The following LAMC3 variants were observed in gnomAD, a reference collection of about 807,000 sequenced individuals.
LAMC3 encodes the protein laminin subunit gamma-3.
A neutral mutation model predicts 173.8 loss-of-function variants in LAMC3; 128 were observed. That is an observed-to-expected ratio of 0.74 (90% confidence interval 0.64 to 0.85). The LOEUF is 0.85. LAMC3 is among the 40% of genes least tolerant of loss of function. The pLI is 0.00. For missense variants in LAMC3, 2,022 were observed against 2,156.0 expected (o/e 0.94, Z 1.23); for synonymous variants, 897 against 909.1 (o/e 0.99, Z 0.24).
intron 7 of LAMC3, 105 bp downstream of exon 7, chr9:131,041,840 C>G (rs1441594227): frequency 3.1e-6 from 3 of 963,026 alleles, no homozygotes; most frequent in Non-Finnish European, 4.8e-6. Context: ...GCACGGTCTT[C>G]ATGGACTTGG....
intron 1 of LAMC3, among the ~76,000 whole-genome samples, chr9:131,025,756 C>T (rs1449133823): frequency 6.6e-6 from 1 of 151,962 alleles, no homozygotes; most frequent in East Asian, 1.9e-4. Flanking sequence ...GGAGATGAGG[C>T]TGTGGGGCAG....
At chr9:131,088,304 C>A (rs1006482666) in intron 27 of LAMC3, among the ~76,000 whole-genome samples, 5 of 152,216 alleles carry the variant, frequency 3.3e-5, no homozygotes, top group African/African-American at 9.6e-5. Flanking sequence ...CTCTCTGAGC[C>A]TCAGATCCCC....
Position 131,071,612 on chromosome 9 carries a change from T to C in LAMC3, c.3198T>C (p.His1066=), listed in dbSNP as rs754552747. The change falls in exon 18 of 28, where the codon CAT becomes CAC. Residue 1066 remains histidine (H), a synonymous_variant. Transcript: ENST00000361069. ...CAAGGGGGGACGTCTACCAGGGCCA[T>C]CACCTGCTTCCAGGTACAGCAGGAG... ...EAPRGDVYQG[H]HLLPGAREAF... is the part of the protein sequence containing the mutation. 6.3e-7 allele frequency: 1 copy of C among 1,589,938 alleles called. No individual in the cohort carries two copies. The highest frequency in any genetic ancestry group is 8.6e-7 in the Non-Finnish European group (1 of 1,165,040).
At chr9:131,036,819 C>G (rs1833954013) in intron 4 of LAMC3, among the ~76,000 whole-genome samples, 1 of 152,214 alleles carries the variant, frequency 6.6e-6, no homozygotes, top group Non-Finnish European at 1.5e-5. Context: ...TCCAGGGACA[C>G]AGGCCAAGAG....
chr9:131,091,629 T>C lies in LAMC3; in HGVS notation c.4570T>C (p.Ser1524Pro). The change falls in exon 28 of 28, where the codon TCC (serine) becomes CCC (proline). Residue 1524 changes from serine (S) to proline (P), a missense_variant. Ser to Pro is a moderately conservative substitution (Grantham distance 74). Coordinates refer to ENST00000361069, the MANE Select transcript of LAMC3 (RefSeq NM_006059.4). Reference sequence around the variant, plus strand: ...GAGGCTGCAGCTGGGCTCCCCGGGGTCCTTGCAGAGGAAACTCAGTCTGCT... The same window carrying C: ...GAGGCTGCAGCTGGGCTCCCCGGGGCCCTTGCAGAGGAAACTCAGTCTGCT... ...RLRLQLGSPG[S>P]LQRKLSLLEQ... 6.3e-7 allele frequency: 1 copy of C among 1,599,470 alleles called. No homozygotes were observed. The highest frequency in any genetic ancestry group is 2.2e-5 in the East Asian group (1 of 44,462).
chr9:131,074,585 A>AT (rs34377041), intron 20 of LAMC3, among the ~76,000 whole-genome samples: 46,653 of 150,722 alleles, frequency 0.31, 9,200 homozygotes, highest in African/African-American at 0.56. Flanking sequence ...AATTCCAGCT[A>AT]TTTGGGAGGC....
Position 131,026,628 on chromosome 9 carries a change from T to C in LAMC3, c.678+39T>C. ...GGGGCTTCGGAGGTTGGGACGGGGT[T>C]GGGACTGGGTCACGGCAGTAGGAGG... On this transcript the variant is annotated intron_variant, in intron 2 of 27. Coordinates refer to ENST00000361069, the MANE Select transcript of LAMC3 (RefSeq NM_006059.4). The surrounding 1 kb of genome is among the most constrained non-coding windows in gnomAD (Gnocchi z 4.8). 6.6e-7 allele frequency: 1 copy of C among 1,523,396 alleles called. No homozygotes were observed. The highest frequency in any genetic ancestry group is 1.4e-5 in the African/African-American group (1 of 73,316). 94.4% of individuals were successfully genotyped at this position (1,523,396 alleles called of 1,614,324 possible).
rs564622149 is a variant in LAMC3 at position 131,072,587 on chromosome 9, A to G, written c.3212-43A>G. On this transcript the variant is annotated intron_variant, in intron 18 of 27. Coordinates refer to ENST00000361069, the MANE Select transcript of LAMC3 (RefSeq NM_006059.4). ...CTGGGGGTGGGGGCTTTTGTGTGAC[A>G]TCTCCACCACTTTGTGACCCCTGGG... The G allele has an allele frequency of 2.6e-6, 4 of 1,550,626 alleles. No homozygotes were observed. The East Asian group carries it at 9.1e-5, about 35-fold the overall frequency.
intron 7 of LAMC3, among the ~76,000 whole-genome samples, chr9:131,043,763 G>A (rs1363632623): frequency 6.6e-6 from 1 of 152,202 alleles, no homozygotes; most frequent in Admixed American, 6.5e-5. Flanking sequence ...AATTGCTACA[G>A]GCAAGAGCTG....
chr9:131,026,628 T>TCCC lies in LAMC3; in HGVS notation c.678+39_678+40insCCC, dbSNP rs1172795939. On this transcript the variant is annotated intron_variant, in intron 2 of 27. Transcript: ENST00000361069. This position sits in a 1 kb window ranked among gnomAD's most constrained non-coding sequence, Gnocchi z 4.8. Reference sequence around the variant, plus strand: ...GGGGCTTCGGAGGTTGGGACGGGGTTGGGACTGGGTCACGGCAGTAGGAGG... The same window carrying TCCC: ...GGGGCTTCGGAGGTTGGGACGGGGTTCCCGGGACTGGGTCACGGCAGTAGGAGG... The TCCC allele has an allele frequency of 6.6e-7, 1 of 1,523,396 alleles. No individual in the cohort carries two copies. Among genetic ancestry groups the TCCC allele is most frequent in the South Asian group, 1.2e-5 (1 of 80,634 alleles). 94.4% of individuals were successfully genotyped at this position (1,523,396 alleles called of 1,614,324 possible).
intron 2 of LAMC3, among the ~76,000 whole-genome samples, chr9:131,031,312 C>T (rs1833818745): frequency 6.6e-6 from 1 of 152,148 alleles, no homozygotes; most frequent in African/African-American, 2.4e-5. Flanking sequence ...TTTTCCCCGA[C>T]TTCCCCTCCA....
rs1217018895 is a variant in LAMC3 at position 131,069,834 on chromosome 9, C to T, written c.3053C>T (p.Ala1018Val). The T allele has an allele frequency of 6.3e-7, 1 of 1,590,846 alleles. No individual in the cohort carries two copies. The highest frequency in any genetic ancestry group is 8.6e-7 in the Non-Finnish European group (1 of 1,168,328). The change falls in exon 17 of 28, where the codon GCC (alanine) becomes GTC (valine). Residue 1018 changes from alanine (A) to valine (V), a missense_variant. By Grantham distance (64) the Ala-to-Val change is moderately conservative. Transcript: ENST00000361069. ...TGCCAGCAATGTCCGTCCTGCTACG[C>T]CCTGGTGAAGGAGGAGGTGAGTCGG... Reference protein sequence around the residue: ...THCQQCPSCYALVKEEAAKLK... With the variant: ...THCQQCPSCYVLVKEEAAKLK...
chr9:131,088,980 G>C (rs1030347372), intron 27 of LAMC3, among the ~76,000 whole-genome samples: 1 of 152,118 alleles, frequency 6.6e-6, no homozygotes, highest in Admixed American at 6.5e-5. Flanking sequence ...AGCTACACAG[G>C]AGGCTGAGGC....
intron 1 of LAMC3, among the ~76,000 whole-genome samples, chr9:131,015,844 T>TA: frequency 6.6e-6 from 1 of 152,200 alleles, no homozygotes; most frequent in East Asian, 1.9e-4. Flanking sequence ...TTTTTGTAGT[T>TA]ACGGGGTTTC....
intron 8 of LAMC3, among the ~76,000 whole-genome samples, chr9:131,048,191 A>C (rs1834211640): frequency 6.6e-6 from 1 of 151,106 alleles, no homozygotes; most frequent in East Asian, 2.0e-4. Flanking sequence ...TGAGTAGCTC[A>C]GATTATAGGC....
At chr9:131,057,193 A>G in intron 12 of LAMC3, 46 bp downstream of exon 12, 1 of 1,530,486 alleles carries the variant, frequency 6.5e-7, no homozygotes, top group African/African-American at 1.4e-5. Context: ...GTTATACCCA[A>G]AACAGCGGGA....
chr9:131,075,776 C>T (rs1830115228), intron 20 of LAMC3, 55 bp from the exon 21 acceptor site: 1 of 1,567,448 alleles, frequency 6.4e-7, no homozygotes, highest in African/African-American at 1.3e-5. Flanking sequence ...AGTTCTGATC[C>T]TGGGCCCCTT....
intron 3 of LAMC3, among the ~76,000 whole-genome samples, chr9:131,034,704 C>G (rs1435300848): frequency 6.6e-6 from 1 of 152,228 alleles, no homozygotes; most frequent in Non-Finnish European, 1.5e-5. Context: ...TTGCCTTGGC[C>G]AGGGGCAGAA....
chr9:131,013,446 C>G (rs539697917), intron 1 of LAMC3, among the ~76,000 whole-genome samples: 4 of 152,278 alleles, frequency 2.6e-5, no homozygotes, highest in African/African-American at 9.6e-5. Context: ...TCCCGGATGT[C>G]CCTGCATGGA....
Sources: gnomAD v4.1 joint callset for allele counts (sites outside exome capture counted in the v4.1 genomes callset) on GRCh38, gnomAD v4.1.1 for gene constraint, Gnocchi (gnomAD v3.1) non-coding constraint, MANE v1.5 for transcripts, NCBI Gene and HGNC (gene_info 2026-07-23, HGNC 2026-07-21) for gene names.